Variants in MAP3K5 observed in about 807,000 individuals in gnomAD.
MAP3K5 encodes the protein ASK-1.
Under a neutral mutation model 158.7 loss-of-function variants are expected in MAP3K5, and 56 were observed. The observed-to-expected ratio is 0.35, with a 90% CI of 0.28 to 0.44. The LOEUF is 0.44. MAP3K5 is among the 20% of genes least tolerant of loss of function. The pLI is 1.00. For synonymous variants in MAP3K5, 579 were observed against 601.7 expected, an observed-to-expected ratio of 0.96 and a Z score of 0.55; for missense variants, 1,294 against 1,674.8, an observed-to-expected ratio of 0.77 and a Z score of 3.97.
At chr6:136,734,468 T>C (rs1441657199) in intron 1 of MAP3K5, among the ~76,000 whole-genome samples, 1 of 151,040 alleles carries the variant, frequency 6.6e-6, no homozygotes, top group African/African-American at 2.4e-5. Context: ...GAGGCTAGTT[T>C]GTTGGTAAAA....
At position 136,656,401 on chromosome 6, in the gene MAP3K5, G is replaced by T; in HGVS notation, c.1586C>A (p.Thr529Lys). Residue 529 changes from threonine (T) to lysine (K), a missense_variant, in exon 10 of 30, where the codon ACA becomes AAA. Physicochemically the swap from Thr to Lys is moderately conservative, Grantham distance 78 (BLOSUM62 -1). Around this residue, in one of 5 missense-constraint regions of MAP3K5, gnomAD observed 690 missense variants for 870.5 expected, o/e 0.79. Transcript: ENST00000359015. The part of the protein sequence containing the change: ...LIYKHFVKLT[T>K]EQPVAKQELV... ...TTCTTGCTTGGCCACAGGCTGTTCT[G>T]TGGTCAGTTTCACAAAATGCTTATA... The T allele has an allele frequency of 6.2e-7, 1 of 1,611,048 alleles. No homozygotes were observed. The highest frequency in any genetic ancestry group is 2.2e-5 in the East Asian group (1 of 44,860).
rs1406214016 is a variant in MAP3K5 at position 136,697,354 on chromosome 6, G to A, written c.840C>T (p.Ile280=). ...QYFRESILND[I]RKARNLYTGK... is the part of the protein sequence containing the mutation. ...CAGTGTATAAATTACGAGCTTTCCTGATGTCATTGAGTATAGATTCCCGGA... is the reference window on the plus strand; with the variant it reads ...CAGTGTATAAATTACGAGCTTTCCTAATGTCATTGAGTATAGATTCCCGGA... The change falls in exon 5 of 30, where the codon ATC becomes ATT. Residue 280 remains isoleucine (I), a synonymous_variant. Transcript: ENST00000359015. 4 of 1,612,924 alleles carry A rather than the reference G, an allele frequency of 2.5e-6. No homozygotes were observed. In the African/African-American group the frequency reaches 4.0e-5, roughly 16 times the overall value.
At chr6:136,757,437 C>A (rs1783541349) in intron 1 of MAP3K5, among the ~76,000 whole-genome samples, 2 of 152,206 alleles carry the variant, frequency 1.3e-5, no homozygotes, top group Admixed American at 1.3e-4. Flanking sequence ...AGCTGTCTGT[C>A]TAGTCAGATA....
chr6:136,641,547 A>C (rs1024955610), intron 12 of MAP3K5, among the ~76,000 whole-genome samples: 1 of 151,936 alleles, frequency 6.6e-6, no homozygotes, highest in Admixed American at 6.6e-5. Flanking sequence ...AAGAAATGGC[A>C]TTTTCTAAGC....
chr6:136,767,935 C>T (rs1189999319), intron 1 of MAP3K5, among the ~76,000 whole-genome samples: 2 of 152,040 alleles, frequency 1.3e-5, no homozygotes, highest in African/African-American at 4.8e-5. Flanking sequence ...AATCCAATGG[C>T]GCTAAGAAAA....
chr6:136,558,546 C>T (rs919306383), intron 29 of MAP3K5, among the ~76,000 whole-genome samples: 1 of 152,174 alleles, frequency 6.6e-6, no homozygotes, highest in Admixed American at 6.5e-5. Context: ...AGAATATCTG[C>T]ATGGACTTAG....
intron 11 of MAP3K5, among the ~76,000 whole-genome samples, chr6:136,645,130 G>T (rs1383374467): frequency 9.2e-5 from 14 of 151,980 alleles, no homozygotes; most frequent in Non-Finnish European, 2.9e-5. Context: ...CGGGGGTCTT[G>T]CTACATTGCT....
chr6:136,767,445 C>T (rs972487277), intron 1 of MAP3K5, among the ~76,000 whole-genome samples: 3 of 151,922 alleles, frequency 2.0e-5, no homozygotes, highest in South Asian at 2.1e-4. Flanking sequence ...AACCACCCAC[C>T]GCTGGGCTGT....
chr6:136,770,794 G>A (rs982791880), intron 1 of MAP3K5, among the ~76,000 whole-genome samples: 14 of 151,980 alleles, frequency 9.2e-5, no homozygotes, highest in Admixed American at 5.9e-4. Flanking sequence ...AATACTTCTC[G>A]GATATATGTA....
At chr6:136,626,239 T>C (rs928112451) in intron 14 of MAP3K5, among the ~76,000 whole-genome samples, 1 of 152,136 alleles carries the variant, frequency 6.6e-6, no homozygotes, top group Admixed American at 6.5e-5. Flanking sequence ...TGGGGAAAAT[T>C]ATGCCTAATA....
chr6:136,641,519 A>T (rs187388501), intron 12 of MAP3K5, among the ~76,000 whole-genome samples: 19 of 152,092 alleles, frequency 1.2e-4, no homozygotes, highest in South Asian at 1.2e-3. Context: ...AAATATATAT[A>T]TATTATTTCT....
At chr6:136,716,970 C>T (rs1355362958) in intron 2 of MAP3K5, among the ~76,000 whole-genome samples, 1 of 152,026 alleles carries the variant, frequency 6.6e-6, no homozygotes, top group Non-Finnish European at 1.5e-5. Flanking sequence ...CCAGCCTGGC[C>T]AACATGGTGA....
chr6:136,597,040 A>AT (rs903716420), intron 21 of MAP3K5, among the ~76,000 whole-genome samples: 3 of 152,164 alleles, frequency 2.0e-5, no homozygotes, highest in African/African-American at 7.2e-5. Flanking sequence ...CTTGCCAGGT[A>AT]TTAAGAAGCC....
chr6:136,697,787 C>T (rs1242432543), intron 4 of MAP3K5, among the ~76,000 whole-genome samples: 2 of 151,986 alleles, frequency 1.3e-5, no homozygotes, highest in East Asian at 3.8e-4. Context: ...CTCTGTTGCC[C>T]AGACTAGAGT....
chr6:136,774,739 A>G (rs1784342510), intron 1 of MAP3K5, among the ~76,000 whole-genome samples: 1 of 152,230 alleles, frequency 6.6e-6, no homozygotes, highest in African/African-American at 2.4e-5. Flanking sequence ...AAAGTGTGAT[A>G]TTCATTCAAT....
intron 25 of MAP3K5, among the ~76,000 whole-genome samples, chr6:136,568,935 AG>A (rs1296033108): frequency 6.6e-6 from 1 of 151,820 alleles, no homozygotes; most frequent in East Asian, 1.9e-4. Context: ...AACTGACTGA[AG>A]AACCACCTAC....
intron 1 of MAP3K5, among the ~76,000 whole-genome samples, chr6:136,738,630 T>C (rs1782577459): frequency 6.6e-6 from 1 of 152,116 alleles, no homozygotes; most frequent in South Asian, 2.1e-4. Context: ...ATTAGCAAAA[T>C]TATTCATTTC....
chr6:136,570,534 A>G (rs918798184), intron 25 of MAP3K5, among the ~76,000 whole-genome samples: 1 of 152,214 alleles, frequency 6.6e-6, no homozygotes, highest in African/African-American at 2.4e-5. Context: ...AAAGTCAACA[A>G]TCTAAAGAGA....
At chr6:136,582,262 ACGTGTG>A (rs923812850) in intron 24 of MAP3K5, among the ~76,000 whole-genome samples, 6 of 108,762 alleles carry the variant, frequency 5.5e-5, no homozygotes, top group African/African-American at 2.4e-4. Context: ...GTGTGTGTAT[ACGTGTG>A]TGTGTGTGTG....
Sources: allele counts gnomAD v4.1 joint callset (sites outside exome capture counted in the v4.1 genomes callset), GRCh38; gene constraint gnomAD v4.1.1; regional missense constraint gnomAD v4.1.1; transcripts MANE v1.5; gene names NCBI Gene and HGNC (gene_info 2026-07-23, HGNC 2026-07-21).